The following RIPOR2 variants were observed in gnomAD, a reference collection of about 807,000 sequenced individuals.
RIPOR2 encodes the protein rho family-interacting cell polarization regulator 2.
In RIPOR2, 39 loss-of-function variants were observed where a neutral mutation model predicts 114.5. The observed-to-expected ratio is 0.34, with a 90% CI of 0.26 to 0.44. The LOEUF (loss-of-function observed/expected upper bound fraction) is 0.44, where lower values mean the gene tolerates loss of function less well. Among genes scored for constraint, RIPOR2 ranks in the 20% least tolerant of loss-of-function variants. The pLI, the probability that RIPOR2 is intolerant of heterozygous loss-of-function variation, is 1.00. For synonymous variants in RIPOR2, 445 were observed against 484.4 expected (o/e 0.92, Z 1.07); for missense variants, 1,007 against 1,255.1 (o/e 0.80, Z 2.99).
intron 1 of RIPOR2, among the ~76,000 whole-genome samples, chr6:24,914,343 C>CCAAAA (rs1193392667): frequency 6.6e-6 from 1 of 151,536 alleles, no homozygotes; most frequent in East Asian, 1.9e-4. Context: ...ACAACAACAA[C>CCAAAA]CAAAACAAAA....
chr6:24,976,243 G>C (rs754464139), intron 1 of RIPOR2, among the ~76,000 whole-genome samples: 2 of 152,150 alleles, frequency 1.3e-5, no homozygotes, highest in Non-Finnish European at 2.9e-5. Flanking sequence ...ACAGCCAAAT[G>C]TATGACAATA....
intron 12 of RIPOR2, 50 bp downstream of exon 12, chr6:24,847,975 G>A (rs1218736883): frequency 3.1e-6 from 5 of 1,610,560 alleles, no homozygotes; most frequent in Non-Finnish European, 4.2e-6. Flanking sequence ...CTGGGTGCAA[G>A]CACTGGCTCA....
intron 1 of RIPOR2, among the ~76,000 whole-genome samples, chr6:24,944,417 T>C (rs1249686366): frequency 6.6e-6 from 1 of 152,132 alleles, no homozygotes; most frequent in Non-Finnish European, 1.5e-5. Flanking sequence ...TGACAAACAA[T>C]ATAGACTTTA....
rs1339830503 is a variant in RIPOR2, at chr6:25,041,911, G to A, written c.16C>T (p.Arg6Ter). 1 of 702,862 alleles carries A rather than the reference G, an allele frequency of 1.4e-6. No homozygotes were observed. 43.5% of individuals were successfully genotyped at this position (702,862 alleles called of 1,614,324 possible). A position where few individuals can be genotyped will look rare whatever the true frequency, so the allele number is the denominator to read the frequency against. ...GGCCTGTTTCTGATCCAGTGTAATC[G>A]CGAAGGTAACACCATGGTCCCAACA... Residue 6 changes from arginine (R) to a stop codon, truncating the protein, a stop_gained, in exon 1 of 14, where the codon CGA becomes TGA. Coordinates refer to the RIPOR2 transcript ENST00000510784. LOFTEE classifies it high-confidence loss of function.
chr6:25,028,472 T>C (rs927742322), intron 1 of RIPOR2, among the ~76,000 whole-genome samples: 1 of 152,246 alleles, frequency 6.6e-6, no homozygotes, highest in African/African-American at 2.4e-5. Flanking sequence ...CCTGTGACTT[T>C]TAATAAGTCC....
chr6:25,039,104 A>G (rs1280077520), intron 1 of RIPOR2, among the ~76,000 whole-genome samples: 1 of 152,232 alleles, frequency 6.6e-6, no homozygotes, highest in African/African-American at 2.4e-5. Context: ...GGATTATATA[A>G]CTTGAGTCCC....
In RIPOR2 at chr6:24,858,747, C is replaced by T. The variant is rs1763743847; in HGVS notation, c.715+2226G>A. ...GGAACATCAGGCAGGAGAGCAAGAA[C>T]AACAGAGAGAGGAGGAGATGGAGGA... On this transcript the variant is annotated intron_variant, in intron 8 of 21. Coordinates refer to ENST00000643898, the MANE Select transcript of RIPOR2 (RefSeq NM_001286445.3). The surrounding 1 kb of genome is among the most constrained non-coding windows in gnomAD (Gnocchi z 4.0). Among the ~76,000 whole-genome samples, 1 of 152,146 alleles carries T rather than the reference C, an allele frequency of 6.6e-6. No homozygotes were observed. Among genetic ancestry groups the T allele is most frequent in the African/African-American group, 2.4e-5 (1 of 41,422 alleles).
intron 18 of RIPOR2, among the ~76,000 whole-genome samples, chr6:24,826,570 C>T (rs1400346498): frequency 1.3e-5 from 2 of 151,452 alleles, no homozygotes; most frequent in East Asian, 3.9e-4. Context: ...TAAATAAACA[C>T]CCTAGTAAAA....
intron 1 of RIPOR2, among the ~76,000 whole-genome samples, chr6:24,953,617 C>T (rs1038601140): frequency 6.6e-6 from 1 of 152,204 alleles, no homozygotes; most frequent in African/African-American, 2.4e-5. Context: ...TCGCTCTCAC[C>T]TTTCCCTCAT....
intron 1 of RIPOR2, among the ~76,000 whole-genome samples, chr6:24,881,432 G>T (rs906950835): frequency 6.6e-6 from 1 of 152,116 alleles, no homozygotes; most frequent in Non-Finnish European, 1.5e-5. Flanking sequence ...TGCCACCCGT[G>T]CCCTGCCACT....
upstream of RIPOR2, among the ~76,000 whole-genome samples, chr6:24,937,383 G>A (rs1394441507): frequency 6.6e-6 from 1 of 152,132 alleles, no homozygotes; most frequent in Admixed American, 6.5e-5. Context: ...GAACTGTCCA[G>A]CTCCAAATAC....
chr6:24,916,714 A>G (rs1770106574), intron 1 of RIPOR2, among the ~76,000 whole-genome samples: 1 of 152,190 alleles, frequency 6.6e-6, no homozygotes, highest in Non-Finnish European at 1.5e-5. Flanking sequence ...ACCCATGATA[A>G]GGTTCTCAAG....
intron 1 of RIPOR2, among the ~76,000 whole-genome samples, chr6:25,012,766 G>C (rs561505034): frequency 2.6e-5 from 4 of 152,264 alleles, no homozygotes; most frequent in African/African-American, 9.6e-5. Context: ...AATGGGGACC[G>C]GGTTTCCTTT....
chr6:24,846,477 T>C (rs1283003611), intron 12 of RIPOR2, among the ~76,000 whole-genome samples: 6 of 152,152 alleles, frequency 3.9e-5, no homozygotes, highest in Admixed American at 2.0e-4. Context: ...GGGTAATTTT[T>C]AAATTTTTTG....
intron 1 of RIPOR2, among the ~76,000 whole-genome samples, chr6:24,991,134 G>A (rs1210188255): frequency 6.6e-6 from 1 of 152,094 alleles, no homozygotes; most frequent in African/African-American, 2.4e-5. Flanking sequence ...ATTAGCCCTG[G>A]GAACCTTCTG....
intron 1 of RIPOR2, among the ~76,000 whole-genome samples, chr6:24,923,660 C>A (rs1047660025): frequency 7.2e-5 from 11 of 151,976 alleles, no homozygotes; most frequent in Admixed American, 7.2e-4. Context: ...GTCTGGCCAA[C>A]ATGGTGAAAT....
intron 14 of RIPOR2, among the ~76,000 whole-genome samples, chr6:24,836,875 T>C (rs1761162390): frequency 6.6e-6 from 1 of 152,058 alleles, no homozygotes; most frequent in South Asian, 2.1e-4. Flanking sequence ...ATACTTCTGA[T>C]GACATATAAT....
chr6:24,983,235 C>T (rs999586700), intron 1 of RIPOR2, among the ~76,000 whole-genome samples: 4 of 151,434 alleles, frequency 2.6e-5, no homozygotes, highest in African/African-American at 9.8e-5. Context: ...TATACACACA[C>T]ACACAGGCAC....
At chr6:24,836,452 G>A (rs952619846) in intron 14 of RIPOR2, among the ~76,000 whole-genome samples, 6 of 152,166 alleles carry the variant, frequency 3.9e-5, no homozygotes, top group African/African-American at 1.4e-4. Flanking sequence ...AAACCCCCTT[G>A]TTGAACTGTA....
Sources: gnomAD v4.1 joint callset for allele counts (sites outside exome capture counted in the v4.1 genomes callset) on GRCh38, gnomAD v4.1.1 for gene constraint, Gnocchi (gnomAD v3.1) non-coding constraint, MANE v1.5 for transcripts, NCBI Gene and HGNC (gene_info 2026-07-23, HGNC 2026-07-21) for gene names.